The following SAMTOR variants were observed in gnomAD, a reference collection of about 807,000 sequenced individuals.
SAMTOR encodes the protein S-adenosylmethionine sensor upstream of mTORC1.
the SAMTOR span, among the ~76,000 whole-genome samples, chr7:112,908,475 A>G: frequency 6.6e-6 from 1 of 152,210 alleles, no homozygotes; most frequent in Non-Finnish European, 1.5e-5. Context: ...GTCAAACTCG[A>G]TAATCATATG....
chr7:112,907,833 T>TCTTACTTA, the SAMTOR span, among the ~76,000 whole-genome samples: 34 of 130,096 alleles, frequency 2.6e-4, no homozygotes, highest in South Asian at 3.6e-3. Context: ...AAATGGGTAT[T>TCTTACTTA]CTTACTTACT....
At chr7:112,917,551 C>T in the SAMTOR span, among the ~76,000 whole-genome samples, 10 of 152,328 alleles carry the variant, frequency 6.6e-5, no homozygotes, top group African/African-American at 1.4e-4. Context: ...CTCTCCTCCT[C>T]CAAAGGAATG....
chr7:112,933,189 A>G, the SAMTOR span, among the ~76,000 whole-genome samples: 1 of 152,170 alleles, frequency 6.6e-6, no homozygotes, highest in African/African-American at 2.4e-5. Context: ...GACTAGTAAA[A>G]ACAGGAGCTC....
the SAMTOR span, chr7:112,939,618 G>T: frequency 6.2e-7 from 1 of 1,613,996 alleles, no homozygotes; most frequent in Non-Finnish European, 8.5e-7. Context: ...CGGAGCCGCC[G>T]GTGGACGCTC....
At chr7:112,933,236 T>G in the SAMTOR span, among the ~76,000 whole-genome samples, 1 of 152,220 alleles carries the variant, frequency 6.6e-6, no homozygotes, top group Admixed American at 6.5e-5. Flanking sequence ...AAGTCTCCAC[T>G]TAATCGTCAA....
At chr7:112,847,037 G>T in the SAMTOR span, among the ~76,000 whole-genome samples, 2 of 152,124 alleles carry the variant, frequency 1.3e-5, no homozygotes, top group Admixed American at 1.3e-4. Flanking sequence ...TAATCATGTA[G>T]TCCAAAATAA....
the SAMTOR span, among the ~76,000 whole-genome samples, chr7:112,870,512 A>G: frequency 6.6e-6 from 1 of 152,232 alleles, no homozygotes; most frequent in Non-Finnish European, 1.5e-5. Context: ...ATTCACTGCC[A>G]TCACAGGCCC....
At chr7:112,859,870 T>C in the SAMTOR span, among the ~76,000 whole-genome samples, 1 of 152,182 alleles carries the variant, frequency 6.6e-6, no homozygotes, top group Non-Finnish European at 1.5e-5. Context: ...TTGATTTTAC[T>C]GAAAATGAAA....
chr7:112,825,853 GTTT>G, the SAMTOR span, among the ~76,000 whole-genome samples: 3 of 139,536 alleles, frequency 2.1e-5, no homozygotes, highest in Admixed American at 7.2e-5. Flanking sequence ...TAAATTCTGA[GTTT>G]TTTTTTTTTT....
the SAMTOR span, among the ~76,000 whole-genome samples, chr7:112,841,885 C>G: frequency 6.6e-6 from 1 of 152,050 alleles, no homozygotes; most frequent in Non-Finnish European, 1.5e-5. Context: ...ATGCGAAGAA[C>G]TGAAACTGGA....
At chr7:112,906,060 CAT>C in the SAMTOR span, among the ~76,000 whole-genome samples, 2 of 152,074 alleles carry the variant, frequency 1.3e-5, no homozygotes, top group East Asian at 1.9e-4. Flanking sequence ...GAAAATCATC[CAT>C]ATATATATGT....
the SAMTOR span, among the ~76,000 whole-genome samples, chr7:112,843,518 A>G: frequency 5.3e-5 from 8 of 152,034 alleles, no homozygotes; most frequent in Admixed American, 3.3e-4. Flanking sequence ...CTAAATTTTA[A>G]TTGGAGTGAA....
At chr7:112,895,020 C>CTAGCAGGCAGATTTTCT in the SAMTOR span, among the ~76,000 whole-genome samples, 1 of 152,258 alleles carries the variant, frequency 6.6e-6, no homozygotes, top group East Asian at 1.9e-4. Flanking sequence ...TATAATCTTA[C>CTAGCAGGCAGATTTTCT]TAGCAGGCAG....
the SAMTOR span, among the ~76,000 whole-genome samples, chr7:112,930,077 G>C: frequency 1.3e-5 from 2 of 151,924 alleles, no homozygotes; most frequent in African/African-American, 4.8e-5. Context: ...TGCCAAATAC[G>C]GGCCCTAAGA....
chr7:112,910,943 G>A, the SAMTOR span, among the ~76,000 whole-genome samples: 1 of 152,212 alleles, frequency 6.6e-6, no homozygotes, highest in Non-Finnish European at 1.5e-5. Context: ...GAATGCAAAG[G>A]GGTCTAAAGG....
At chr7:112,865,588 CATAT>C in the SAMTOR span, among the ~76,000 whole-genome samples, 1 of 146,226 alleles carries the variant, frequency 6.8e-6, no homozygotes. Context: ...CCGTCTCATT[CATAT>C]ATATATATAT....
At chr7:112,827,720 T>C in the SAMTOR span, among the ~76,000 whole-genome samples, 1 of 152,152 alleles carries the variant, frequency 6.6e-6, no homozygotes, top group Non-Finnish European at 1.5e-5. Flanking sequence ...TTTATTGTTG[T>C]ATTGTTATTT....
the SAMTOR span, among the ~76,000 whole-genome samples, chr7:112,847,553 C>T: frequency 2.6e-5 from 4 of 151,532 alleles, no homozygotes; most frequent in Admixed American, 6.6e-5. Flanking sequence ...CCGAGGCGGG[C>T]GGATCACCTG....
the SAMTOR span, among the ~76,000 whole-genome samples, chr7:112,832,330 C>CA: frequency 6.6e-6 from 1 of 151,928 alleles, no homozygotes; most frequent in South Asian, 2.1e-4. Flanking sequence ...TTCTTAATTG[C>CA]AATGATTTTG....
Sources: allele counts gnomAD v4.1 joint callset (sites outside exome capture counted in the v4.1 genomes callset), GRCh38; gene constraint gnomAD v4.1.1; transcripts MANE v1.5; gene names NCBI Gene and HGNC (gene_info 2026-07-23, HGNC 2026-07-21).